Variants in NLN observed in about 807,000 individuals in gnomAD.
The protein encoded by NLN is neurolysin.
A neutral mutation model predicts 79.9 loss-of-function variants in NLN; 64 were observed. That is an observed-to-expected ratio of 0.80 (90% CI 0.65 to 0.99). The LOEUF is 0.99. Ranked by LOEUF, NLN falls within the 50% of genes least tolerant of loss-of-function variation. NLN has a pLI of 0.00. For missense variants in NLN, 835 were observed against 858.7 expected (o/e 0.97, Z 0.34); for synonymous variants, 267 against 296.6 (o/e 0.90, Z 1.02).
Position 65,817,764 on chromosome 5 carries a change from T to C in NLN, c.1981-5017T>C, listed in dbSNP as rs375277090. On this transcript the variant is annotated intron_variant, in intron 12 of 12. Coordinates refer to ENST00000380985, the MANE Select transcript of NLN (RefSeq NM_020726.5). ...GGAAGGAGCTACATCTTACATAAAA[T>C]AATAGCCACAAAAACATGAAGAGTC... Among the ~76,000 whole-genome samples the C allele has an allele frequency of 3.1e-4, 47 of 152,280 alleles. 1 individual carries two copies. Among genetic ancestry groups the C allele is most frequent in the African/African-American group, 1.1e-3 (47 of 41,556 alleles).
At chr5:65,807,176 CAAA>C (rs35751319) in intron 9 of NLN, among the ~76,000 whole-genome samples, 4 of 139,314 alleles carry the variant, frequency 2.9e-5, no homozygotes, top group African/African-American at 2.7e-5. Flanking sequence ...GACCCTGTCT[CAAA>C]AAAAAAAAAA....
chr5:65,792,262 T>A (rs916866968), intron 8 of NLN, among the ~76,000 whole-genome samples, 192 bp from the exon 9 acceptor site: 3 of 152,320 alleles, frequency 2.0e-5, no homozygotes, highest in Non-Finnish European at 4.4e-5. Flanking sequence ...TCACACAGAA[T>A]GTTAGTGGGG....
intron 1 of NLN, among the ~76,000 whole-genome samples, chr5:65,744,680 C>T (rs1020203221): frequency 3.9e-5 from 6 of 152,108 alleles, no homozygotes; most frequent in African/African-American, 1.4e-4. Flanking sequence ...GGGTGGATCA[C>T]CTGAGGTCAG....
intron 9 of NLN, among the ~76,000 whole-genome samples, chr5:65,794,115 C>T (rs897730506): frequency 1.3e-5 from 2 of 152,040 alleles, no homozygotes; most frequent in African/African-American, 4.8e-5. Context: ...ATGGAAGTAA[C>T]CCTGAATGGA....
At chr5:65,786,080 T>A (rs1759915076) in intron 7 of NLN, 170 bp downstream of exon 7, 3 of 505,832 alleles carry the variant, frequency 5.9e-6, no homozygotes, top group African/African-American at 3.8e-5. Flanking sequence ...AGGGACTGCT[T>A]ATTGTTTATA....
chr5:65,815,072 A>T (rs540906340), intron 12 of NLN, among the ~76,000 whole-genome samples: 1 of 152,336 alleles, frequency 6.6e-6, no homozygotes, highest in East Asian at 1.9e-4. Context: ...TCAAAGAGAA[A>T]AAAGTCTAAC....
At chr5:65,820,722 T>TG (rs1554035364) in intron 12 of NLN, among the ~76,000 whole-genome samples, 2 of 151,216 alleles carry the variant, frequency 1.3e-5, no homozygotes, top group African/African-American at 4.9e-5. Flanking sequence ...ACATGTTTTT[T>TG]TTTGTTTGTT....
chr5:65,731,425 G>A (rs996349385), intron 1 of NLN, among the ~76,000 whole-genome samples: 17 of 152,128 alleles, frequency 1.1e-4, no homozygotes, highest in Admixed American at 4.6e-4. Flanking sequence ...CTACCACATC[G>A]GCACATAATA....
At chr5:65,728,942 C>T (rs1644353522) in intron 1 of NLN, among the ~76,000 whole-genome samples, 1 of 152,180 alleles carries the variant, frequency 6.6e-6, no homozygotes, top group African/African-American at 2.4e-5. Context: ...CTCCCGGGCT[C>T]AAACGATCCT....
Position 65,777,541 on chromosome 5 carries a change from TTA to T in NLN, c.558+9_558+10del, listed in dbSNP as rs1299044441. On this transcript the variant is annotated splice_region_variant and intron_variant, in intron 4 of 12. Transcript: ENST00000380985. ...TCCTGAACAAGTACAGAATGTGAGT[TTA>T]TGTTTTCTTTTCTTATCAGAAAAAA... is the stretch of plus-strand genomic sequence containing the variant. 14 of 1,498,120 alleles carry T rather than the reference TTA, an allele frequency of 9.3e-6. No homozygotes were observed. In the African/African-American group the frequency reaches 1.7e-4, roughly 18 times the overall value. The allele number at this position is 1,498,120 out of a possible 1,614,324, so 92.8% of individuals were successfully genotyped here. A position where few individuals can be genotyped will look rare whatever the true frequency, so the allele number is the denominator to read the frequency against.
At chr5:65,792,193 G>C (rs1162208047) in intron 8 of NLN, among the ~76,000 whole-genome samples, 1 of 152,152 alleles carries the variant, frequency 6.6e-6, no homozygotes, top group Non-Finnish European at 1.5e-5. Flanking sequence ...TCAGCTGTCG[G>C]TGTGACATGC....
At position 65,788,247 on chromosome 5, in the gene NLN, A is replaced by T; in HGVS notation, c.1088A>T (p.Tyr363Phe). ...DGKINAWDLYYYMTQTEELKY... is the reference protein window; with the variant it reads ...DGKINAWDLYFYMTQTEELKY... ...AAAATCAATGCCTGGGATCTATATT[A>T]CTACATGACTCAGACAGAGGAACTC... The change falls in exon 8 of 13, where the codon TAC becomes TTC. Residue 363 changes from tyrosine (Y) to phenylalanine (F), a missense_variant. Transcript: ENST00000380985. 6.2e-7 allele frequency: 1 copy of T among 1,614,204 alleles called. No homozygotes were observed. The highest frequency in any genetic ancestry group is 8.5e-7 in the Non-Finnish European group (1 of 1,180,020).
chr5:65,785,312 C>T (rs931417158), intron 6 of NLN, among the ~76,000 whole-genome samples: 2 of 152,166 alleles, frequency 1.3e-5, no homozygotes, highest in Non-Finnish European at 2.9e-5. Context: ...TTCTCCATTT[C>T]CTCACCAGCA....
chr5:65,785,775 G>A lies in NLN; in HGVS notation c.823G>A (p.Glu275Lys), dbSNP rs759620206. 6.2e-7 allele frequency: 1 copy of A among 1,612,790 alleles called. No individual in the cohort carries two copies. Among genetic ancestry groups the A allele is most frequent in the Non-Finnish European group, 8.5e-7 (1 of 1,179,150 alleles). The change falls in exon 7 of 13, where the codon GAA becomes AAA. Residue 275 changes from glutamate (E) to lysine (K), a missense_variant and splice_region_variant. Physicochemically the swap from Glu to Lys is moderately conservative, Grantham distance 56. Transcript: ENST00000380985. ...TTTTGTTGCTGTTGTTTATTACTAGGAAAACACCATAATTTTGCAGCAGCT... is the reference window on the plus strand; with the variant it reads ...TTTTGTTGCTGTTGTTTATTACTAGAAAAACACCATAATTTTGCAGCAGCT... ...EMAFNTRCKE[E>K]NTIILQQLLP...
At chr5:65,792,771 AT>A in intron 9 of NLN, 116 bp downstream of exon 9, 1 of 903,452 alleles carries the variant, frequency 1.1e-6, no homozygotes. Context: ...GTGTTCAAGA[AT>A]TTTATAGGCC....
chr5:65,807,966 A>G (rs796290241), intron 9 of NLN, among the ~76,000 whole-genome samples: 9 of 152,328 alleles, frequency 5.9e-5, no homozygotes, highest in African/African-American at 2.2e-4. Context: ...TTATTATTGT[A>G]TAAGATTGTT....
intron 8 of NLN, among the ~76,000 whole-genome samples, chr5:65,791,040 A>G (rs1393428387): frequency 1.3e-5 from 2 of 152,238 alleles, no homozygotes. Context: ...ACTTCCTGTC[A>G]TCTTAAGATG....
Position 65,796,069 on chromosome 5 carries a change from C to T in NLN, c.1527+3414C>T, listed in dbSNP as rs748559514. 2.2e-4 allele frequency among the ~76,000 whole-genome samples: 34 copies of T among 152,158 alleles called. 1 individual carries two copies. Among genetic ancestry groups the T allele is most frequent in the Admixed American group, 6.5e-5 (1 of 15,272 alleles). On this transcript the variant is annotated intron_variant, in intron 9 of 12. Coordinates refer to ENST00000380985, the MANE Select transcript of NLN (RefSeq NM_020726.5). ...AATTCCAAAAGGCTCACAGACCCCT[C>T]GAAGCCCTCACCATAATGAATCTCA...
At chr5:65,760,305 T>C (rs1290458117) in intron 2 of NLN, among the ~76,000 whole-genome samples, 1 of 152,244 alleles carries the variant, frequency 6.6e-6, no homozygotes, top group Non-Finnish European at 1.5e-5. Context: ...TAATGGCTTC[T>C]CAATCTTATT....
Sources: allele counts gnomAD v4.1 joint callset (sites outside exome capture counted in the v4.1 genomes callset), GRCh38; gene constraint gnomAD v4.1.1; transcripts MANE v1.5; gene names NCBI Gene and HGNC (gene_info 2026-07-23, HGNC 2026-07-21).